CDH13: variants seen among roughly 807,000 people sequenced by gnomAD.
The protein encoded by CDH13 is cadherin-13.
In CDH13, 24 loss-of-function variants were observed where a neutral mutation model predicts 63.8. The observed-to-expected ratio is 0.38, with a 90% CI of 0.27 to 0.53. The LOEUF (loss-of-function observed/expected upper bound fraction) is 0.53. CDH13 is among the 20% of genes least tolerant of loss of function. The pLI, the probability that CDH13 is intolerant of heterozygous loss-of-function variation, is 0.85. For missense variants in CDH13, 1,049 were observed against 903.1 expected, an observed-to-expected ratio of 1.16 and a Z score of -2.07; for synonymous variants, 503 against 355.3, an observed-to-expected ratio of 1.42 and a Z score of -4.67.
At chr16:82,776,779 C>T (rs1393153327) in intron 1 of CDH13, among the ~76,000 whole-genome samples, 1 of 152,192 alleles carries the variant, frequency 6.6e-6, no homozygotes, top group East Asian at 1.9e-4. Context: ...TCCCTCTCTT[C>T]TCCCACCAGA....
chr16:83,303,959 C>A (rs966829445), intron 5 of CDH13, among the ~76,000 whole-genome samples: 3 of 152,192 alleles, frequency 2.0e-5, no homozygotes, highest in Middle Eastern at 6.8e-3. Context: ...TCAGACTTTG[C>A]CTATCTGATA....
chr16:82,988,691 G>A (rs1225316963), intron 2 of CDH13, among the ~76,000 whole-genome samples: 2 of 151,760 alleles, frequency 1.3e-5, no homozygotes, highest in African/African-American at 2.4e-5. Flanking sequence ...GAACCCGGCT[G>A]GCGGAGGTTG....
rs1455863008 is a variant in CDH13 at position 83,737,182 on chromosome 16, A to T, written c.1539-10926A>T. Among the ~76,000 whole-genome samples, 3 of 152,300 alleles carry T rather than the reference A, an allele frequency of 2.0e-5. No homozygotes were observed. The East Asian group carries it at 5.8e-4, about 29-fold the overall frequency. The stretch of plus-strand genomic sequence containing the variant: ...CCTTTCCTGCCCACTATTGAAAGTG[A>T]CTACATGGCAAAGAGCGCCTATTTC... On this transcript the variant is annotated intron_variant, in intron 10 of 13. Transcript: ENST00000567109.
At chr16:82,725,531 A>C (rs2033046756) in intron 1 of CDH13, among the ~76,000 whole-genome samples, 2 of 152,200 alleles carry the variant, frequency 1.3e-5, no homozygotes, top group Non-Finnish European at 2.9e-5. Context: ...AGGTGTTTTA[A>C]GGAATGGTAA....
intron 2 of CDH13, among the ~76,000 whole-genome samples, chr16:82,916,992 C>T (rs1023858967): frequency 7.9e-5 from 12 of 152,214 alleles, no homozygotes; most frequent in African/African-American, 2.7e-4. Context: ...TCCACACTCA[C>T]ACAGCTACTC....
chr16:82,720,999 G>A (rs535777616), intron 1 of CDH13, among the ~76,000 whole-genome samples: 3 of 152,234 alleles, frequency 2.0e-5, no homozygotes, highest in Non-Finnish European at 4.4e-5. Flanking sequence ...CATGATTATG[G>A]GATGAAGCCA....
chr16:83,722,988 C>T (rs1357215778), intron 10 of CDH13, among the ~76,000 whole-genome samples: 1 of 152,132 alleles, frequency 6.6e-6, no homozygotes, highest in Admixed American at 6.6e-5. Context: ...TGAGCTGTGA[C>T]CTTCTAGTTT....
intron 5 of CDH13, among the ~76,000 whole-genome samples, chr16:83,314,074 C>T (rs921870342): frequency 2.6e-5 from 4 of 152,182 alleles, no homozygotes; most frequent in African/African-American, 9.6e-5. Context: ...GCTGTCAAAT[C>T]TCATTTGAAG....
intron 4 of CDH13, among the ~76,000 whole-genome samples, chr16:83,214,874 A>G (rs2039450184): frequency 6.6e-6 from 1 of 151,920 alleles, no homozygotes; most frequent in African/African-American, 2.4e-5. Context: ...GGATTGCAAC[A>G]TATAGCTGTC....
chr16:82,785,097 TGAA>T (rs1406527740), intron 1 of CDH13, among the ~76,000 whole-genome samples: 1 of 152,076 alleles, frequency 6.6e-6, no homozygotes, highest in Admixed American at 6.6e-5. Flanking sequence ...TGATGAAGTC[TGAA>T]GGAGGGAGGG....
intron 1 of CDH13, among the ~76,000 whole-genome samples, chr16:82,769,236 C>T (rs182224798): frequency 5.3e-5 from 8 of 152,234 alleles, no homozygotes; most frequent in Non-Finnish European, 7.4e-5. Context: ...TGCTTGAAAG[C>T]GTGCTGCAAC....
intron 2 of CDH13, among the ~76,000 whole-genome samples, chr16:82,994,483 G>T (rs188599046): frequency 1.2e-4 from 18 of 152,186 alleles, no homozygotes; most frequent in Non-Finnish European, 2.9e-5. Flanking sequence ...ACCATGGAGA[G>T]CGTAGCCTTT....
rs7194449 is a variant in CDH13 at position 83,053,594 on chromosome 16, G to C, written c.366+21376G>C. Reference sequence around the variant, plus strand: ...TTCTTAAATTAGATAGACCTTGAATGGAAGGGTACAGAAAAATAGAAAATG... The same window carrying C: ...TTCTTAAATTAGATAGACCTTGAATCGAAGGGTACAGAAAAATAGAAAATG... On this transcript the variant is annotated intron_variant, in intron 3 of 13. Coordinates refer to ENST00000567109, the MANE Select transcript of CDH13 (RefSeq NM_001257.5). Among the ~76,000 whole-genome samples, 1,454 of 152,170 alleles carry C rather than the reference G, an allele frequency of 9.6e-3. 29 individuals carry two copies. The highest frequency in any genetic ancestry group is 0.034 in the African/African-American group (1,397 of 41,494).
At chr16:83,216,406 A>ATG (rs2039515634) in intron 4 of CDH13, among the ~76,000 whole-genome samples, 3 of 60,970 alleles carry the variant, frequency 4.9e-5, no homozygotes, top group African/African-American at 2.2e-4. Context: ...AAATATATAT[A>ATG]TATATATATA....
intron 2 of CDH13, among the ~76,000 whole-genome samples, chr16:82,948,931 G>A (rs1419726834): frequency 1.3e-5 from 2 of 152,184 alleles, no homozygotes; most frequent in East Asian, 3.9e-4. Context: ...ATCTGGTCCA[G>A]ACCTTGTAAG....
At chr16:83,438,980 G>T (rs8060761) in intron 6 of CDH13, among the ~76,000 whole-genome samples, 1 of 151,884 alleles carries the variant, frequency 6.6e-6, no homozygotes, top group Non-Finnish European at 1.5e-5. Context: ...AGAGCACCTG[G>T]CATAGTTTTT....
In CDH13 at chr16:83,795,292, G is replaced by A; in HGVS notation, c.*262G>A. ...ATCATGACATATGACTTGATCTTCT[G>A]GGAGCAGGAACAATGACTACTTTTT... On this transcript the variant is annotated 3_prime_UTR_variant, in exon 14 of 14. Transcript: ENST00000567109. The A allele has an allele frequency of 2.1e-6, 1 of 475,942 alleles. No individual in the cohort carries two copies. Among genetic ancestry groups the A allele is most frequent in the Non-Finnish European group, 3.8e-6 (1 of 265,832 alleles). 29.5% of individuals were successfully genotyped at this position (475,942 alleles called of 1,614,324 possible). A position where few individuals can be genotyped will look rare whatever the true frequency, so the allele number is the denominator to read the frequency against.
In CDH13 at chr16:83,156,450, G is replaced by T. The variant is rs190453436; in HGVS notation, c.483+30949G>T. 2.6e-5 allele frequency among the ~76,000 whole-genome samples: 4 copies of T among 152,228 alleles called. No homozygotes were observed. The East Asian group carries it at 7.7e-4, about 29-fold the overall frequency. ...CTAAGATACACACCCCATCTACAAA[G>T]GCGACATGTACTCTTAAGGTACAAA... On this transcript the variant is annotated intron_variant, in intron 4 of 13. Coordinates refer to ENST00000567109, the MANE Select transcript of CDH13 (RefSeq NM_001257.5).
At chr16:83,297,659 CAAAG>C (rs1189018042) in intron 5 of CDH13, among the ~76,000 whole-genome samples, 1 of 152,006 alleles carries the variant, frequency 6.6e-6, no homozygotes, top group East Asian at 1.9e-4. Flanking sequence ...TGGAAACTGA[CAAAG>C]ACATAACTTC....
Sources: allele counts gnomAD v4.1 joint callset (sites outside exome capture counted in the v4.1 genomes callset), GRCh38; gene constraint gnomAD v4.1.1; transcripts MANE v1.5; gene names NCBI Gene and HGNC (gene_info 2026-07-23, HGNC 2026-07-21).